Variants in MYT1L observed in about 807,000 individuals in gnomAD.
MYT1L encodes myelin transcription factor 1 like.
A neutral mutation model predicts 126.7 loss-of-function variants in MYT1L; 12 were observed. The observed-to-expected ratio is 0.09, with a 90% confidence interval of 0.06 to 0.15. The LOEUF (loss-of-function observed/expected upper bound fraction) is 0.15. Among genes scored for constraint, MYT1L ranks in the 10% least tolerant of loss-of-function variants. MYT1L has a pLI of 1.00. For synonymous variants in MYT1L, 541 were observed against 604.2 expected, an observed-to-expected ratio of 0.90 and a Z score of 1.53; for missense variants, 979 against 1,585.2, an observed-to-expected ratio of 0.62 and a Z score of 6.49.
chr2:2,311,393 C>T (rs2095968170), intron 1 of MYT1L, among the ~76,000 whole-genome samples: 1 of 152,192 alleles, frequency 6.6e-6, no homozygotes, highest in Non-Finnish European at 1.5e-5. Flanking sequence ...ATCTAATAAA[C>T]ATTCTCCAGT....
chr2:2,233,695 A>G (rs2094215032), intron 2 of MYT1L, among the ~76,000 whole-genome samples: 1 of 152,312 alleles, frequency 6.6e-6, no homozygotes, highest in South Asian at 2.1e-4. Context: ...CCATTGTCAG[A>G]CAGGAAATGA....
chr2:2,175,608 C>G (rs2090649640), intron 2 of MYT1L, among the ~76,000 whole-genome samples: 1 of 152,170 alleles, frequency 6.6e-6, no homozygotes, highest in African/African-American at 2.4e-5. Context: ...AAGGCGAAAC[C>G]ATCCTCTGTG....
chr2:2,181,904 C>G (rs2091575265), intron 2 of MYT1L, among the ~76,000 whole-genome samples: 1 of 152,180 alleles, frequency 6.6e-6, no homozygotes, highest in African/African-American at 2.4e-5. Flanking sequence ...ATTATTAGCT[C>G]TATTTTCAGA....
intron 1 of MYT1L, chr2:2,324,163 A>T (rs907339716): frequency 3.3e-5 from 5 of 152,192 alleles, no homozygotes; most frequent in African/African-American, 1.2e-4. Context: ...AGCACAGGAC[A>T]TATTTACCTG....
At chr2:1,829,800 T>C (rs112095609) in intron 21 of MYT1L, among the ~76,000 whole-genome samples, 94 of 110,956 alleles carry the variant, frequency 8.5e-4, no homozygotes, top group African/African-American at 3.4e-3. Flanking sequence ...CACCTGTGAA[T>C]TGACCTTCCC....
intron 1 of MYT1L, among the ~76,000 whole-genome samples, chr2:2,295,853 C>CAG (rs761825534): frequency 7.2e-6 from 1 of 138,642 alleles, no homozygotes; most frequent in South Asian, 2.3e-4. Context: ...CGGGAGGTAG[C>CAG]AGAGAGAGAC....
At chr2:2,047,480 C>T (rs2068330851) in intron 4 of MYT1L, among the ~76,000 whole-genome samples, 1 of 152,228 alleles carries the variant, frequency 6.6e-6, no homozygotes, top group South Asian at 2.1e-4. Flanking sequence ...AATGTGGGTA[C>T]ATGAGAATTC....
intron 18 of MYT1L, among the ~76,000 whole-genome samples, chr2:1,876,450 C>T (rs2046921715): frequency 6.6e-6 from 1 of 152,114 alleles, no homozygotes; most frequent in African/African-American, 2.4e-5. Context: ...CATCCCTCTC[C>T]TCCACTCTCC....
At chr2:1,964,618 TA>T (rs567518703) in intron 8 of MYT1L, among the ~76,000 whole-genome samples, 13 of 152,252 alleles carry the variant, frequency 8.5e-5, no homozygotes, top group African/African-American at 2.2e-4. Flanking sequence ...ATTTTCTACT[TA>T]AAAAAAATCT....
At chr2:2,050,118 T>G (rs1443925377) in intron 4 of MYT1L, among the ~76,000 whole-genome samples, 1 of 152,158 alleles carries the variant, frequency 6.6e-6, no homozygotes, top group Non-Finnish European at 1.5e-5. Flanking sequence ...GTAGTTTACA[T>G]TAGGTTCATG....
chr2:2,130,627 A>G (rs1446297631), intron 3 of MYT1L, among the ~76,000 whole-genome samples: 1 of 152,196 alleles, frequency 6.6e-6, no homozygotes, highest in Non-Finnish European at 1.5e-5. Context: ...AGGGCAGGTC[A>G]TTTTGACCCA....
intron 1 of MYT1L, among the ~76,000 whole-genome samples, chr2:2,319,016 T>C (rs917085788): frequency 5.9e-5 from 9 of 152,318 alleles, no homozygotes; most frequent in Admixed American, 5.9e-4. Flanking sequence ...AAATAGTCAT[T>C]GGAATTGTCT....
At chr2:2,026,804 C>T (rs1336858973) in intron 4 of MYT1L, among the ~76,000 whole-genome samples, 2 of 152,064 alleles carry the variant, frequency 1.3e-5, no homozygotes, top group Non-Finnish European at 2.9e-5. Flanking sequence ...TGAACACTGG[C>T]ATAGCCTTGT....
chr2:2,050,539 A>G (rs188547058), intron 4 of MYT1L, among the ~76,000 whole-genome samples: 1 of 152,210 alleles, frequency 6.6e-6, no homozygotes, highest in Non-Finnish European at 1.5e-5. Context: ...TTCACGGCTC[A>G]GCAATCACAG....
chr2:2,004,595 G>T (rs113099205), intron 4 of MYT1L, among the ~76,000 whole-genome samples: 3 of 145,422 alleles, frequency 2.1e-5, no homozygotes, highest in Non-Finnish European at 3.0e-5. Context: ...TCCTGCATGC[G>T]TTCTTTCCTG....
chr2:1,956,441 C>CTATCTATCTACCTAT lies in MYT1L; in HGVS notation c.153-13108_153-13107insATAGGTAGATAGATA, dbSNP rs1573965981. 1.8e-3 allele frequency among the ~76,000 whole-genome samples: 64 copies of CTATCTATCTACCTAT among 36,334 alleles called. 6 individuals are homozygous for CTATCTATCTACCTAT. Among genetic ancestry groups the CTATCTATCTACCTAT allele is most frequent in the South Asian group, 4.3e-3 (5 of 1,168 alleles). The allele number at this position is 36,334 out of a possible 152,430, so 23.8% of individuals were successfully genotyped here. ...ATCTATCTATCTATCTATCTATCTA[C>CTATCTATCTACCTAT]CTATCATCTATCTATCCTATTCTAT... is the stretch of plus-strand genomic sequence containing the variant. On this transcript the variant is annotated intron_variant, in intron 8 of 24. Coordinates refer to ENST00000647738, the MANE Select transcript of MYT1L (RefSeq NM_001303052.2).
intron 5 of MYT1L, among the ~76,000 whole-genome samples, chr2:1,995,158 T>C (rs576307621): frequency 1.3e-5 from 2 of 152,308 alleles, no homozygotes; most frequent in East Asian, 3.9e-4. Flanking sequence ...GTTTTAGCTT[T>C]CAGGCATCTA....
chr2:2,040,964 G>A (rs2067462541), intron 4 of MYT1L, among the ~76,000 whole-genome samples: 1 of 152,012 alleles, frequency 6.6e-6, no homozygotes, highest in Non-Finnish European at 1.5e-5. Flanking sequence ...ACTCAAATAA[G>A]GCAAAAAGAG....
intron 21 of MYT1L, among the ~76,000 whole-genome samples, chr2:1,813,863 TAGAAATAC>T (rs1553398963): frequency 7.6e-5 from 7 of 91,758 alleles, no homozygotes; most frequent in Admixed American, 2.4e-4. Context: ...CCGTCTGTAC[TAGAAATAC>T]AAAAAATTAG....
Sources: allele counts gnomAD v4.1 joint callset (sites outside exome capture counted in the v4.1 genomes callset), GRCh38; gene constraint gnomAD v4.1.1; transcripts MANE v1.5; gene names NCBI Gene and HGNC (gene_info 2026-07-23, HGNC 2026-07-21).